PLXNB1: variants seen among roughly 807,000 people sequenced by gnomAD.
PLXNB1 encodes the protein plexin-B1.
PLXNB1 carries 106 observed loss-of-function variants against 209.4 expected under a neutral mutation model. The ratio of observed to expected loss-of-function variants is 0.51; its 90% CI spans 0.43 to 0.59. The LOEUF is 0.59. Ranked by LOEUF, PLXNB1 falls within the 20% of genes least tolerant of loss-of-function variation. The pLI, the probability that PLXNB1 is intolerant of heterozygous loss-of-function variation, is 0.00. For synonymous variants in PLXNB1, 1,167 were observed against 1,183.2 expected, an observed-to-expected ratio of 0.99 and a Z score of 0.28; for missense variants, 2,357 against 2,853.2, an observed-to-expected ratio of 0.83 and a Z score of 3.96.
At position 48,410,700 on chromosome 3, in the gene PLXNB1, C is replaced by A; in HGVS notation, c.5417-142G>T. ...CTCTCCAAAGACCAAGAGCAGGGACCCCCTCCCCAGATGAGAGGCTGTCCA... is the reference window on the plus strand; with the variant it reads ...CTCTCCAAAGACCAAGAGCAGGGACACCCTCCCCAGATGAGAGGCTGTCCA... On this transcript the variant is annotated intron_variant, in intron 29 of 37. Transcript: ENST00000296440. The surrounding 1 kb of genome is among the most constrained non-coding windows in gnomAD (Gnocchi z 6.4). 1.1e-6 allele frequency: 1 copy of A among 935,966 alleles called. No homozygotes were observed. Among genetic ancestry groups the A allele is most frequent in the Non-Finnish European group, 1.6e-6 (1 of 615,758 alleles). The allele number at this position is 935,966 out of a possible 1,614,324, so 58.0% of individuals were successfully genotyped here.
rs1481030362 is a variant in PLXNB1 at position 48,405,364 on chromosome 3, G to A, written c.6303+360C>T. Among the ~76,000 whole-genome samples the A allele has an allele frequency of 6.6e-6, 1 of 152,174 alleles. No homozygotes were observed. The highest frequency in any genetic ancestry group is 1.5e-5 in the Non-Finnish European group (1 of 68,016). On this transcript the variant is annotated intron_variant, in intron 37 of 37. Transcript: ENST00000296440. This position sits in a 1 kb window ranked among gnomAD's most constrained non-coding sequence, Gnocchi z 5.0. The stretch of plus-strand genomic sequence containing the variant: ...CTGTGCCTGGACTCTCCTCTTCGCA[G>A]CTCATGCAGCCAAGCCAGGCCTGCA...
chr3:48,410,043 G>A lies in PLXNB1; in HGVS notation c.5640C>T (p.Gly1880=), dbSNP rs771376518. The A allele has an allele frequency of 6.2e-7, 1 of 1,608,080 alleles. No individual in the cohort carries two copies. Among genetic ancestry groups the A allele is most frequent in the Non-Finnish European group, 8.5e-7 (1 of 1,176,522 alleles). ...TPMLEDVDEG[G]IRPWHLVKPS... is the part of the protein sequence containing the mutation. ...GCTTCACCAGGTGCCAGGGCCGGAT[G>A]CCCCCCTCATCTACATCCTCCAGCA... Residue 1880 remains glycine, a synonymous_variant, in exon 32 of 38, where the codon GGC becomes GGT. Transcript: ENST00000296440. This position sits in a 1 kb window ranked among gnomAD's most constrained non-coding sequence, Gnocchi z 6.4.
At position 48,409,757 on chromosome 3, in the gene PLXNB1, T is replaced by C. The variant is rs1318673254; in HGVS notation, c.5779-26A>G. On this transcript the variant is annotated intron_variant, in intron 32 of 37. Coordinates refer to ENST00000296440, the MANE Select transcript of PLXNB1 (RefSeq NM_001130082.3). The surrounding 1 kb of genome is among the most constrained non-coding windows in gnomAD (Gnocchi z 5.8). ...CTGTGGGAAGGAAGAAGCAGAGAGG[T>C]GTGGTCAGCAAAGGGCCCTCAGCAG... The C allele has an allele frequency of 1.2e-6, 2 of 1,608,974 alleles. No homozygotes were observed. The highest frequency in any genetic ancestry group is 2.2e-5 in the East Asian group (1 of 44,786).
At chr3:48,408,330 A>G (rs1392197518) in intron 34 of PLXNB1, among the ~76,000 whole-genome samples, 2 of 152,084 alleles carry the variant, frequency 1.3e-5, no homozygotes, top group Non-Finnish European at 2.9e-5. Context: ...GATTTTTCCC[A>G]GAGGTGTAGG....
rs2038060303 is a variant in PLXNB1, at chr3:48,415,888, C to A, written c.3618-129G>T. ...GGTGTCCCTGGAGGTGCACTCCCACCACAGCTGGCTAGGGAGGGTCTGGCC... is the reference window on the plus strand; with the variant it reads ...GGTGTCCCTGGAGGTGCACTCCCACAACAGCTGGCTAGGGAGGGTCTGGCC... On this transcript the variant is annotated intron_variant, in intron 18 of 37. Coordinates refer to ENST00000296440, the MANE Select transcript of PLXNB1 (RefSeq NM_001130082.3). The surrounding 1 kb of genome is among the most constrained non-coding windows in gnomAD (Gnocchi z 5.0). The A allele has an allele frequency of 7.4e-7, 1 of 1,342,774 alleles. No individual in the cohort carries two copies. The highest frequency in any genetic ancestry group is 1.0e-6 in the Non-Finnish European group (1 of 986,276). The allele number at this position is 1,342,774 out of a possible 1,614,324, so 83.2% of individuals were successfully genotyped here. A position where few individuals can be genotyped will look rare whatever the true frequency, so the allele number is the denominator to read the frequency against.
In PLXNB1 at chr3:48,418,810, C is replaced by T. The variant is rs570321607; in HGVS notation, c.2955+107G>A. ...GTGTGGAGACTCCCTCAGGGCGACA[C>T]GGTCAGAGCGTGGCTCTGGAAAGTG... On this transcript the variant is annotated intron_variant, in intron 13 of 37. Transcript: ENST00000296440. The surrounding 1 kb of genome is among the most constrained non-coding windows in gnomAD (Gnocchi z 6.6). 115 of 1,405,002 alleles carry T rather than the reference C, an allele frequency of 8.2e-5. No individual in the cohort carries two copies. The highest frequency in any genetic ancestry group is 4.6e-4 in the East Asian group (20 of 43,668). 87.0% of individuals were successfully genotyped at this position (1,405,002 alleles called of 1,614,324 possible). A position where few individuals can be genotyped will look rare whatever the true frequency, so the allele number is the denominator to read the frequency against.
chr3:48,412,903 A>G lies in PLXNB1; in HGVS notation c.4693T>C (p.Phe1565Leu). 1.2e-6 allele frequency: 2 copies of G among 1,614,062 alleles called. No homozygotes were observed. Among genetic ancestry groups the G allele is most frequent in the Non-Finnish European group, 8.5e-7 (1 of 1,180,012 alleles). The change falls in exon 25 of 38, where the codon TTC becomes CTC. Residue 1565 changes from phenylalanine (F) to leucine (L), a missense_variant. Physicochemically the swap from Phe to Leu is conservative, Grantham distance 22 (BLOSUM62 0). Transcript: ENST00000296440. ...TSDLLGSGIP[F>L]LDYKVYAERI... ...TCCGCATACACCTTGTAGTCGAGGA[A>G]GGGGATGCCGCTGCCCAGGAGGTCA...
In PLXNB1 at chr3:48,419,302, A is replaced by C. The variant is rs748505227; in HGVS notation, c.2774T>G (p.Met925Arg). 3 of 1,599,138 alleles carry C rather than the reference A, an allele frequency of 1.9e-6. No individual in the cohort carries two copies. The South Asian group carries it at 3.3e-5, about 18-fold the overall frequency. Residue 925 changes from methionine (M) to arginine (R), a missense_variant, in exon 12 of 38, where the codon ATG becomes AGG. By Grantham distance (91) the Met-to-Arg change is moderately conservative. Around this residue, in one of 7 missense-constraint regions of PLXNB1, gnomAD observed 410 missense variants for 401.0 expected, o/e 1.02. Transcript: ENST00000296440. The surrounding 1 kb of genome is among the most constrained non-coding windows in gnomAD (Gnocchi z 5.7). The part of the protein sequence containing the change: ...CVESVQGSTL[M>R]PVHVEREIRL... ...GATTTCCCGCTCCACATGGACCGGC[A>C]TCAACGTGGAGCCCTGAACGCTCTC...
In PLXNB1 at chr3:48,419,523, A is replaced by T. The variant is rs1280502578; in HGVS notation, c.2709+54T>A. On this transcript the variant is annotated intron_variant, in intron 11 of 37. Coordinates refer to ENST00000296440, the MANE Select transcript of PLXNB1 (RefSeq NM_001130082.3). The surrounding 1 kb of genome is among the most constrained non-coding windows in gnomAD (Gnocchi z 5.7). ...CAGAATCACAAGGCAAGCTAGGGGT[A>T]GCATCTTCCCCACATCCCCTCCCCT... 1.3e-6 allele frequency: 2 copies of T among 1,541,188 alleles called. No homozygotes were observed. The highest frequency in any genetic ancestry group is 1.8e-6 in the Non-Finnish European group (2 of 1,133,564).
At chr3:48,423,221 C>T (rs1053688674) in intron 3 of PLXNB1, among the ~76,000 whole-genome samples, 1 of 152,158 alleles carries the variant, frequency 6.6e-6, no homozygotes, top group Non-Finnish European at 1.5e-5. Flanking sequence ...GTCCCTGTCC[C>T]TACCCAAGAA....
At chr3:48,424,646 G>C (rs1575411997) in intron 2 of PLXNB1, 29 bp from the exon 3 acceptor site, 1 of 1,526,836 alleles carries the variant, frequency 6.5e-7, no homozygotes, top group East Asian at 2.5e-5. Context: ...GAGAGAGTGG[G>C]GCTCACGTGG....
At chr3:48,408,004 T>C (rs1452233888) in intron 34 of PLXNB1, among the ~76,000 whole-genome samples, 2 of 152,066 alleles carry the variant, frequency 1.3e-5, no homozygotes, top group African/African-American at 4.8e-5. Flanking sequence ...GGACAGAACT[T>C]TCCGTTTTTG....
chr3:48,413,015 G>A lies in PLXNB1; in HGVS notation c.4636+54C>T. Reference sequence around the variant, plus strand: ...CTGTTAAGCACCAATCCCGTGTGATGGGAGTGGGTTTGGGCAGAGTTCTGG... The same window carrying A: ...CTGTTAAGCACCAATCCCGTGTGATAGGAGTGGGTTTGGGCAGAGTTCTGG... On this transcript the variant is annotated intron_variant, in intron 24 of 37. Transcript: ENST00000296440. This position sits in a 1 kb window ranked among gnomAD's most constrained non-coding sequence, Gnocchi z 5.4. 14 of 1,607,000 alleles carry A rather than the reference G, an allele frequency of 8.7e-6. No homozygotes were observed. Among genetic ancestry groups the A allele is most frequent in the Non-Finnish European group, 1.2e-5 (14 of 1,173,536 alleles).
chr3:48,422,969 AG>A (rs775324620), intron 3 of PLXNB1, 22 bp from the exon 4 acceptor site: 33 of 1,603,536 alleles, frequency 2.1e-5, no homozygotes, highest in African/African-American at 1.9e-4. Flanking sequence ...AAGAAGCATC[AG>A]GAAGGCCCTC....
Position 48,410,427 on chromosome 3 carries a change from G to A in PLXNB1, c.5520+28C>T, listed in dbSNP as rs2037600912. 2 of 1,610,418 alleles carry A rather than the reference G, an allele frequency of 1.2e-6. No homozygotes were observed. Among genetic ancestry groups the A allele is most frequent in the African/African-American group, 1.3e-5 (1 of 74,826 alleles). ...CCCTCCACCAGTCCCACCCCACCAT[G>A]CCCTCCTCCAGCTCCCACTCCTCCT... On this transcript the variant is annotated intron_variant, in intron 30 of 37. Transcript: ENST00000296440. This position sits in a 1 kb window ranked among gnomAD's most constrained non-coding sequence, Gnocchi z 6.4.
intron 7 of PLXNB1, 115 bp downstream of exon 7, chr3:48,421,559 A>C: frequency 8.1e-7 from 1 of 1,231,856 alleles, no homozygotes; most frequent in Non-Finnish European, 1.1e-6. Flanking sequence ...AAAAGAAGTG[A>C]CTTGTGTGAG....
In PLXNB1 at chr3:48,409,303, C is replaced by CA. The variant is rs1183011770; in HGVS notation, c.6087+25_6087+26insT. On this transcript the variant is annotated intron_variant, in intron 34 of 37. Transcript: ENST00000296440. This position sits in a 1 kb window ranked among gnomAD's most constrained non-coding sequence, Gnocchi z 5.8. ...AGCACTGTCCACCCTCACCCATCCC[C>CA]CCGTGTCCATCCCAGACTCGCTCAC... 2.0e-4 allele frequency: 326 copies of CA among 1,613,052 alleles called. 2 individuals are homozygous for CA. The African/African-American group carries it at 3.6e-3, about 18-fold the overall frequency.
At chr3:48,426,265 CCTTCTTGGGCCCCAGCTGAGG>C (rs2038890332) in intron 1 of PLXNB1, among the ~76,000 whole-genome samples, 1 of 152,220 alleles carries the variant, frequency 6.6e-6, no homozygotes, top group Admixed American at 6.5e-5. Context: ...CACACAGACC[CCTTCTTGGGCCCCAGCTGAGG>C]CTCCTGAGTC....
rs2038308906 is a variant in PLXNB1, at chr3:48,419,072, T to A, written c.2833-33A>T. 1.2e-6 allele frequency: 2 copies of A among 1,609,866 alleles called. No homozygotes were observed. Among genetic ancestry groups the A allele is most frequent in the African/African-American group, 2.7e-5 (2 of 74,838 alleles). ...CAGAGAACACAGCTGTTGGGCAGCT[T>A]CAGGAGCTGGGCCCAGGGAGTCCTG... On this transcript the variant is annotated intron_variant, in intron 12 of 37. Coordinates refer to ENST00000296440, the MANE Select transcript of PLXNB1 (RefSeq NM_001130082.3). This position sits in a 1 kb window ranked among gnomAD's most constrained non-coding sequence, Gnocchi z 5.7.
Sources: gnomAD v4.1 joint callset for allele counts (sites outside exome capture counted in the v4.1 genomes callset) on GRCh38, gnomAD v4.1.1 for gene constraint, gnomAD v4.1.1 regional missense constraint, Gnocchi (gnomAD v3.1) non-coding constraint, MANE v1.5 for transcripts, NCBI Gene and HGNC (gene_info 2026-07-23, HGNC 2026-07-21) for gene names.